The following ZFAT variants were observed in gnomAD, a reference collection of about 807,000 sequenced individuals.
The protein encoded by ZFAT is zinc finger protein ZFAT.
Under a neutral mutation model 117.7 loss-of-function variants are expected in ZFAT, and 64 were observed. That is an observed-to-expected ratio of 0.54 (90% CI 0.44 to 0.67). The LOEUF is 0.67. ZFAT is among the 30% of genes least tolerant of loss of function. The pLI is 0.00. For synonymous variants in ZFAT, 679 were observed against 615.0 expected, an observed-to-expected ratio of 1.10 and a Z score of -1.54; for missense variants, 1,433 against 1,584.5, an observed-to-expected ratio of 0.90 and a Z score of 1.62.
intron 11 of ZFAT, among the ~76,000 whole-genome samples, chr8:134,563,676 T>G (rs116373341): frequency 0.041 from 6,177 of 152,274 alleles, 435 homozygotes; most frequent in African/African-American, 0.14. Context: ...ATCTTCGTAT[T>G]TCAAAGACGG....
chr8:134,571,254 T>C (rs1270038746), intron 10 of ZFAT, among the ~76,000 whole-genome samples: 1 of 152,018 alleles, frequency 6.6e-6, no homozygotes, highest in African/African-American at 2.4e-5. Context: ...GTGGAAGAGG[T>C]GTGGCCATGT....
the ZFAT span, among the ~76,000 whole-genome samples, chr8:134,728,242 G>T: frequency 3.2e-4 from 48 of 152,108 alleles, no homozygotes; most frequent in East Asian, 8.7e-3. Flanking sequence ...CATGATCACA[G>T]GGAGGAAGGT....
chr8:134,670,157 A>G (rs1198664194), intron 1 of ZFAT, among the ~76,000 whole-genome samples: 4 of 152,222 alleles, frequency 2.6e-5, no homozygotes, highest in Admixed American at 6.5e-5. Flanking sequence ...ATAATGGGAG[A>G]CTGTAACACC....
At chr8:134,676,491 A>G (rs145204739) in intron 1 of ZFAT, among the ~76,000 whole-genome samples, 1 of 152,338 alleles carries the variant, frequency 6.6e-6, no homozygotes, top group Non-Finnish European at 1.5e-5. Flanking sequence ...CCACACAGTA[A>G]TAGTGGGAAA....
At chr8:134,738,101 T>C in the ZFAT span, among the ~76,000 whole-genome samples, 1 of 152,214 alleles carries the variant, frequency 6.6e-6, no homozygotes, top group Non-Finnish European at 1.5e-5. Flanking sequence ...CTAGTGCTGC[T>C]TTTAGCTCAG....
At chr8:134,726,435 C>G in the ZFAT span, among the ~76,000 whole-genome samples, 1 of 152,216 alleles carries the variant, frequency 6.6e-6, no homozygotes, top group Non-Finnish European at 1.5e-5. Context: ...TCACTTGAGG[C>G]ATTTTCCCCT....
intron 1 of ZFAT, among the ~76,000 whole-genome samples, chr8:134,694,143 CG>C (rs1833715735): frequency 6.6e-6 from 1 of 152,136 alleles, no homozygotes; most frequent in African/African-American, 2.4e-5. Flanking sequence ...CGCTGGAACG[CG>C]GGGCGCAGCT....
At chr8:134,518,160 T>C (rs1449459143) in intron 13 of ZFAT, among the ~76,000 whole-genome samples, 2 of 152,150 alleles carry the variant, frequency 1.3e-5, no homozygotes, top group Non-Finnish European at 2.9e-5. Flanking sequence ...ATTTCCCTCA[T>C]TCCTTCTACA....
chr8:134,521,650 T>C (rs1820668183), intron 12 of ZFAT, among the ~76,000 whole-genome samples: 1 of 150,826 alleles, frequency 6.6e-6, no homozygotes, highest in Non-Finnish European at 1.5e-5. Context: ...AAACAAAAAC[T>C]GGAGAGTCAC....
In ZFAT at chr8:134,690,441, T is replaced by C. The variant is rs149381491; in HGVS notation, c.19+22404A>G. On this transcript the variant is annotated intron_variant, in intron 1 of 15. Coordinates refer to ENST00000377838, the MANE Select transcript of ZFAT (RefSeq NM_020863.4). The stretch of plus-strand genomic sequence containing the variant: ...TGATCAAGGAGATAAAATAACAGGC[T>C]GGGCAGGAACTGGAGGCAGATGTGG... Among the ~76,000 whole-genome samples the C allele has an allele frequency of 1.9e-4, 29 of 152,328 alleles. No individual in the cohort carries two copies. The East Asian group carries it at 5.0e-3, about 26-fold the overall frequency.
intron 3 of ZFAT, among the ~76,000 whole-genome samples, chr8:134,624,395 C>T (rs1490064593): frequency 3.3e-5 from 5 of 152,186 alleles, no homozygotes; most frequent in South Asian, 2.1e-4. Context: ...GTGGTTCACA[C>T]CTGTAATCCC....
chr8:134,520,626 A>G (rs1481908549), intron 13 of ZFAT, among the ~76,000 whole-genome samples: 2 of 152,180 alleles, frequency 1.3e-5, no homozygotes, highest in Non-Finnish European at 2.9e-5. Flanking sequence ...CATAAGTAAA[A>G]GTGTCAAGGA....
At chr8:134,824,066 T>C in the ZFAT span, among the ~76,000 whole-genome samples, 1 of 152,190 alleles carries the variant, frequency 6.6e-6, no homozygotes, top group Non-Finnish European at 1.5e-5. Context: ...CAAGATAAAT[T>C]AGATGGTCTC....
chr8:134,673,923 G>C (rs910052117), intron 1 of ZFAT, among the ~76,000 whole-genome samples: 1 of 152,196 alleles, frequency 6.6e-6, no homozygotes, highest in Non-Finnish European at 1.5e-5. Context: ...GACCAGCCTG[G>C]CCTAATGGTG....
chr8:134,695,680 G>A (rs189444023), intron 1 of ZFAT, among the ~76,000 whole-genome samples: 5 of 136,500 alleles, frequency 3.7e-5, no homozygotes, highest in East Asian at 2.3e-4. Flanking sequence ...AGGTGGCACC[G>A]CCCCCCCAGG....
At chr8:134,755,817 CAAAAAAAA>C in the ZFAT span, among the ~76,000 whole-genome samples, 1,246 of 90,022 alleles carry the variant, frequency 0.014, 11 homozygotes, top group Middle Eastern at 0.03. Context: ...GACTCCATCT[CAAAAAAAA>C]AAAAAAAAAA....
At chr8:134,716,034 G>A (rs1456582979), upstream of ZFAT, among the ~76,000 whole-genome samples, 2 of 152,004 alleles carry the variant, frequency 1.3e-5, no homozygotes, top group African/African-American at 4.8e-5. Context: ...GGCCAAGGCT[G>A]GAGGATTGCT....
intron 11 of ZFAT, among the ~76,000 whole-genome samples, chr8:134,562,317 C>A (rs1356426994): frequency 6.6e-6 from 1 of 152,098 alleles, no homozygotes; most frequent in East Asian, 1.9e-4. Context: ...TTCCAAACTA[C>A]AGAAATGTAA....
rs1371940555 is a variant in ZFAT at position 134,478,216 on chromosome 8, A to G, written c.*266T>C. The G allele has an allele frequency of 1.9e-6, 1 of 521,056 alleles. No individual in the cohort carries two copies. The highest frequency in any genetic ancestry group is 1.9e-5 in the African/African-American group (1 of 52,524). 32.3% of individuals were successfully genotyped at this position (521,056 alleles called of 1,614,324 possible). ...TGAAGGTGTGGGGTGTGTGTAGGGG[A>G]GCTGACACTGAAGTCTTTCAGGAAG... On this transcript the variant is annotated 3_prime_UTR_variant, in exon 16 of 16. Coordinates refer to ENST00000377838, the MANE Select transcript of ZFAT (RefSeq NM_020863.4). The surrounding 1 kb of genome is among the most constrained non-coding windows in gnomAD (Gnocchi z 5.2).
Sources: allele counts gnomAD v4.1 joint callset (sites outside exome capture counted in the v4.1 genomes callset), GRCh38; gene constraint gnomAD v4.1.1; non-coding constraint Gnocchi (gnomAD v3.1); transcripts MANE v1.5; gene names NCBI Gene and HGNC (gene_info 2026-07-23, HGNC 2026-07-21).